QRICH1: variants seen among roughly 807,000 people sequenced by gnomAD.
QRICH1 encodes transcriptional regulator QRICH1.
QRICH1 carries 16 observed loss-of-function variants against 87.1 expected under a neutral mutation model. The ratio of observed to expected loss-of-function variants is 0.18; its 90% CI spans 0.12 to 0.28. The LOEUF (loss-of-function observed/expected upper bound fraction) is 0.28. QRICH1 is among the 10% of genes least tolerant of loss of function. The pLI, the probability that QRICH1 is intolerant of heterozygous loss-of-function variation, is 1.00. For missense variants in QRICH1, 647 were observed against 951.7 expected (o/e 0.68, Z 4.21); for synonymous variants, 367 against 368.4 (o/e 1.00, Z 0.05).
intron 3 of QRICH1, among the ~76,000 whole-genome samples, chr3:49,049,778 G>A (rs13072554): frequency 0.076 from 11,498 of 151,892 alleles, 578 homozygotes; most frequent in Non-Finnish European, 0.1. Context: ...GATTACAGGC[G>A]TGAGCCACCA....
chr3:49,071,753 C>T (rs2041832843), intron 2 of QRICH1, among the ~76,000 whole-genome samples: 1 of 152,198 alleles, frequency 6.6e-6, no homozygotes, highest in African/African-American at 2.4e-5. Flanking sequence ...AGTGCAGTGG[C>T]ACAATCACAG....
intron 1 of QRICH1, among the ~76,000 whole-genome samples, chr3:49,077,403 G>C (rs2041971305): frequency 6.6e-6 from 1 of 152,130 alleles, no homozygotes; most frequent in African/African-American, 2.4e-5. Context: ...CCATCACAGA[G>C]AGGACACCAA....
chr3:49,057,856 A>C lies in QRICH1; in HGVS notation c.344T>G (p.Val115Gly). Residue 115 changes from valine to glycine, a missense_variant, in exon 3 of 10, where the codon GTC becomes GGC. Val to Gly is a moderately radical substitution (Grantham distance 109). This residue lies in a region of QRICH1 where 156 missense variants were observed against 164.5 expected (regional missense o/e 0.95). Coordinates refer to ENST00000395443, the MANE Select transcript of QRICH1 (RefSeq NM_198880.3). The surrounding 1 kb of genome is among the most constrained non-coding windows in gnomAD (Gnocchi z 5.4). ...GAGTTGTGGGGAGAGCTGAGCCGAGACCTGTTGCGGAGACTGCTGTACCTG... is the reference window on the plus strand; with the variant it reads ...GAGTTGTGGGGAGAGCTGAGCCGAGCCCTGTTGCGGAGACTGCTGTACCTG... ...QVQVQQSPQQ[V>G]SAQLSPQLTV... is the part of the protein sequence containing the mutation. 1 of 1,614,076 alleles carries C rather than the reference A, an allele frequency of 6.2e-7. No homozygotes were observed. Among genetic ancestry groups the C allele is most frequent in the Non-Finnish European group, 8.5e-7 (1 of 1,180,006 alleles).
intron 6 of QRICH1, among the ~76,000 whole-genome samples, chr3:49,041,654 G>A (rs545740001): frequency 3.3e-5 from 5 of 151,212 alleles, no homozygotes; most frequent in East Asian, 3.9e-4. Flanking sequence ...TTTCTGAGAC[G>A]GAGTCTCACT....
chr3:49,049,297 T>C (rs541575820), intron 3 of QRICH1, among the ~76,000 whole-genome samples: 46 of 151,406 alleles, frequency 3.0e-4, no homozygotes, highest in African/African-American at 1.1e-3. Flanking sequence ...ATAGAAAAAT[T>C]AGCCAGGCAT....
chr3:49,073,114 C>T (rs533290793), intron 2 of QRICH1, among the ~76,000 whole-genome samples: 2 of 152,104 alleles, frequency 1.3e-5, no homozygotes, highest in Non-Finnish European at 2.9e-5. Flanking sequence ...ACTCCTGCCT[C>T]TCCAGCATGT....
At chr3:49,059,100 T>C (rs566795455) in intron 2 of QRICH1, among the ~76,000 whole-genome samples, 1 of 151,712 alleles carries the variant, frequency 6.6e-6, no homozygotes, top group East Asian at 2.0e-4. Context: ...TAGCTGGGAC[T>C]ACAGGTGCCT....
intron 3 of QRICH1, among the ~76,000 whole-genome samples, chr3:49,056,587 T>C (rs1410762715): frequency 1.3e-5 from 2 of 152,268 alleles, no homozygotes; most frequent in East Asian, 1.9e-4. Context: ...TGAGAAGAGA[T>C]TACAAAGAAG....
chr3:49,050,248 C>CAAAAAAAAAAAAAAAAAAAAAAA (rs527597101), intron 3 of QRICH1, among the ~76,000 whole-genome samples: 7 of 52,416 alleles, frequency 1.3e-4, no homozygotes, highest in East Asian at 4.2e-4. Flanking sequence ...GACTCCGTCT[C>CAAAAAAAAAAAAAAAAAAAAAAA]AAAAAAAAAA....
At chr3:49,036,696 C>CA (rs11352728) in intron 6 of QRICH1, among the ~76,000 whole-genome samples, 2,234 of 146,094 alleles carry the variant, frequency 0.015, 60 homozygotes, top group African/African-American at 0.052. Context: ...AAAGAAAAAA[C>CA]AAAAAAAAAA....
chr3:49,093,641 G>C (rs1011534859), intron 1 of QRICH1: 3 of 165,146 alleles, frequency 1.8e-5, no homozygotes, highest in Non-Finnish European at 3.9e-5. Context: ...ACCGAGAGCC[G>C]CACAGCGCGC....
intron 3 of QRICH1, among the ~76,000 whole-genome samples, chr3:49,052,873 G>A (rs1422622983): frequency 2.6e-5 from 4 of 152,132 alleles, no homozygotes; most frequent in Non-Finnish European, 4.4e-5. Flanking sequence ...TTCCTCATCT[G>A]TAAAACAGAA....
chr3:49,070,858 T>C (rs2093496410), intron 2 of QRICH1, among the ~76,000 whole-genome samples: 2 of 152,188 alleles, frequency 1.3e-5, no homozygotes, highest in South Asian at 2.1e-4. Context: ...TTCTTTCATT[T>C]ACATAGAGTT....
intron 2 of QRICH1, among the ~76,000 whole-genome samples, chr3:49,069,872 T>C (rs1174144614): frequency 6.6e-6 from 1 of 152,104 alleles, no homozygotes; most frequent in Admixed American, 6.6e-5. Flanking sequence ...TAAGTATACA[T>C]ATGTGTATGT....
intron 6 of QRICH1, among the ~76,000 whole-genome samples, chr3:49,035,014 A>G (rs2093266280): frequency 6.6e-6 from 1 of 152,066 alleles, no homozygotes; most frequent in Admixed American, 6.6e-5. Context: ...GTGCATTTCC[A>G]TCTCTTTAAG....
intron 6 of QRICH1, 60 bp from the exon 7 acceptor site, chr3:49,033,288 A>C: frequency 9.4e-7 from 1 of 1,065,916 alleles, no homozygotes; most frequent in Non-Finnish European, 1.3e-6. Context: ...CAAAGGTACA[A>C]TATGGGATGT....
chr3:49,074,951 C>T (rs1370650524), intron 2 of QRICH1, among the ~76,000 whole-genome samples: 1 of 152,076 alleles, frequency 6.6e-6, no homozygotes, highest in Non-Finnish European at 1.5e-5. Flanking sequence ...TGCAGTCCAG[C>T]CTGGGCAACA....
At chr3:49,086,733 G>A (rs771855908) in intron 1 of QRICH1, 9 of 151,552 alleles carry the variant, frequency 5.9e-5, no homozygotes, top group Non-Finnish European at 1.3e-4. Context: ...TCTTTTTTCC[G>A]TTTAGGTACC....
chr3:49,052,911 T>C lies in QRICH1; in HGVS notation c.1338+3951A>G, dbSNP rs76184951. Among the ~76,000 whole-genome samples, 69 of 152,294 alleles carry C rather than the reference T, an allele frequency of 4.5e-4. No individual in the cohort carries two copies. In the East Asian group the frequency reaches 0.012, roughly 26 times the overall value. ...ATCAGTACATACTTCATAAGGTTAA[T>C]GTGAAAATTAGAAGAATATGTTAAA... On this transcript the variant is annotated intron_variant, in intron 3 of 9. Transcript: ENST00000395443.
Sources: gnomAD v4.1 joint callset for allele counts (sites outside exome capture counted in the v4.1 genomes callset) on GRCh38, gnomAD v4.1.1 for gene constraint, gnomAD v4.1.1 regional missense constraint, Gnocchi (gnomAD v3.1) non-coding constraint, MANE v1.5 for transcripts, NCBI Gene and HGNC (gene_info 2026-07-23, HGNC 2026-07-21) for gene names.